Variants in GRAMD1C observed in about 807,000 individuals in gnomAD.
GRAMD1C encodes protein Aster-C.
In GRAMD1C, 89 loss-of-function variants were observed where a neutral mutation model predicts 97.8. The ratio of observed to expected loss-of-function variants is 0.91; its 90% CI spans 0.77 to 1.09. The LOEUF is 1.09. Ranked by LOEUF, GRAMD1C falls within the 50% of genes least tolerant of loss-of-function variation. The probability of loss-of-function intolerance (pLI) is 0.00; values close to 1 mark genes in which losing one functional copy is unlikely to be tolerated. For synonymous variants in GRAMD1C, 256 were observed against 267.0 expected (o/e 0.96, Z 0.40); for missense variants, 740 against 766.4 (o/e 0.97, Z 0.41).
chr3:113,881,218 G>T (rs1469788742), intron 5 of GRAMD1C, among the ~76,000 whole-genome samples: 1 of 152,126 alleles, frequency 6.6e-6, no homozygotes. Context: ...GCAGTGGCGC[G>T]ATCCTAGCTC....
At chr3:113,845,074 A>G (rs1453010688) in intron 2 of GRAMD1C, 1 of 152,770 alleles carries the variant, frequency 6.5e-6, no homozygotes, top group Non-Finnish European at 1.5e-5. Flanking sequence ...TAATGACTAT[A>G]AGATGGTTTT....
At chr3:113,838,053 C>T (rs1172475325), upstream of GRAMD1C, among the ~76,000 whole-genome samples, 1 of 152,190 alleles carries the variant, frequency 6.6e-6, no homozygotes, top group Admixed American at 6.5e-5. Flanking sequence ...TATTTCTTCT[C>T]AGACTTAAGG....
At chr3:113,844,265 G>A (rs1261627336) in intron 1 of GRAMD1C, among the ~76,000 whole-genome samples, 1 of 152,106 alleles carries the variant, frequency 6.6e-6, no homozygotes, top group Admixed American at 6.6e-5. Flanking sequence ...TTACACTCCA[G>A]TCTGGGTGAA....
At chr3:113,915,076 GA>G (rs1319250664) in intron 9 of GRAMD1C, among the ~76,000 whole-genome samples, 1 of 152,092 alleles carries the variant, frequency 6.6e-6, no homozygotes, top group African/African-American at 2.4e-5. Flanking sequence ...CAAATTCCCA[GA>G]AAAAATGTAA....
intron 1 of GRAMD1C, among the ~76,000 whole-genome samples, chr3:113,840,707 G>C (rs1709762502): frequency 1.3e-5 from 2 of 152,222 alleles, no homozygotes; most frequent in Admixed American, 1.3e-4. Context: ...AGTGACCCCT[G>C]TTTGTGCCAT....
chr3:113,945,501 A>G lies in GRAMD1C; in HGVS notation c.*23A>G, dbSNP rs766427183. 10 of 1,273,144 alleles carry G rather than the reference A, an allele frequency of 7.9e-6. No individual in the cohort carries two copies. The highest frequency in any genetic ancestry group is 9.1e-6 in the Non-Finnish European group (8 of 879,648). The allele number at this position is 1,273,144 out of a possible 1,614,324, so 78.9% of individuals were successfully genotyped here. A position where few individuals can be genotyped will look rare whatever the true frequency, so the allele number is the denominator to read the frequency against. Reference sequence around the variant, plus strand: ...TAGTGATCTGAAGGACTAAAACCGCAGAGATACTTGGAACTTAAAGAAAAT... The same window carrying G: ...TAGTGATCTGAAGGACTAAAACCGCGGAGATACTTGGAACTTAAAGAAAAT... On this transcript the variant is annotated 3_prime_UTR_variant, in exon 18 of 18. Transcript: ENST00000358160.
intron 2 of GRAMD1C, among the ~76,000 whole-genome samples, chr3:113,864,826 T>G (rs953404293): frequency 1.3e-5 from 2 of 152,192 alleles, no homozygotes; most frequent in Non-Finnish European, 2.9e-5. Flanking sequence ...CAATCTAGGC[T>G]TTTTCTAGCC....
At chr3:113,906,592 A>T (rs1235323029) in intron 8 of GRAMD1C, among the ~76,000 whole-genome samples, 1 of 152,242 alleles carries the variant, frequency 6.6e-6, no homozygotes, top group Non-Finnish European at 1.5e-5. Context: ...AGTTTTAAAA[A>T]AAAGTTCATA....
At chr3:113,842,470 G>T (rs1313143748) in intron 1 of GRAMD1C, among the ~76,000 whole-genome samples, 1 of 151,882 alleles carries the variant, frequency 6.6e-6, no homozygotes, top group Non-Finnish European at 1.5e-5. Context: ...TTTTTGTTTT[G>T]CTGTTGTATG....
upstream of GRAMD1C, among the ~76,000 whole-genome samples, chr3:113,834,963 G>C (rs10804511): frequency 0.98 from 146,470 of 150,120 alleles, 71,579 homozygotes; most frequent in East Asian, 1. Context: ...AAAAGACACT[G>C]ATATTTCCTT....
At position 113,850,647 on chromosome 3, in the gene GRAMD1C, T is replaced by C. The variant is rs1007005527; in HGVS notation, c.174+5998T>C. The C allele has an allele frequency of 1.7e-5, 28 of 1,607,052 alleles. No homozygotes were observed. The East Asian group carries it at 4.7e-4, about 27-fold the overall frequency. On this transcript the variant is annotated intron_variant, in intron 2 of 17. Transcript: ENST00000358160. ...GTCTGCCAGCTCGGGTGCTTAGGCA[T>C]GTGGACGTCCTTCTTGGCCACCATG...
At chr3:113,902,786 G>A (rs1936224492) in intron 7 of GRAMD1C, among the ~76,000 whole-genome samples, 1 of 147,930 alleles carries the variant, frequency 6.8e-6, no homozygotes, top group Non-Finnish European at 1.5e-5. Context: ...AGCTGGGATT[G>A]CGGTGCCCAC....
At chr3:113,915,603 C>A in intron 9 of GRAMD1C, 98 bp from the exon 10 acceptor site, 1 of 875,890 alleles carries the variant, frequency 1.1e-6, no homozygotes, top group Non-Finnish European at 1.8e-6. Flanking sequence ...CCATTTTATG[C>A]CCAAAATAAA....
intron 10 of GRAMD1C, among the ~76,000 whole-genome samples, chr3:113,917,364 C>T (rs540298831): frequency 2.6e-5 from 4 of 152,246 alleles, no homozygotes; most frequent in South Asian, 4.2e-4. Context: ...TGCACTGTCA[C>T]CCAGGCTGGA....
chr3:113,941,886 T>G (rs1034851244), intron 17 of GRAMD1C, among the ~76,000 whole-genome samples: 4 of 151,896 alleles, frequency 2.6e-5, no homozygotes, highest in Non-Finnish European at 5.9e-5. Context: ...CCCAAAGTGT[T>G]GGGATTAAAG....
chr3:113,911,714 TCC>T (rs1559810022), intron 9 of GRAMD1C, among the ~76,000 whole-genome samples: 1 of 141,714 alleles, frequency 7.1e-6, no homozygotes, highest in Non-Finnish European at 1.5e-5. Flanking sequence ...CTTCCTTCCT[TCC>T]TTCCTTCCTT....
At chr3:113,863,554 G>A (rs898979049) in intron 2 of GRAMD1C, among the ~76,000 whole-genome samples, 1 of 152,194 alleles carries the variant, frequency 6.6e-6, no homozygotes, top group Non-Finnish European at 1.5e-5. Context: ...TAGTGGTGAT[G>A]ATTGCACAGT....
At chr3:113,837,093 TTTCCTTCC>T (rs202147724), upstream of GRAMD1C, among the ~76,000 whole-genome samples, 7 of 151,662 alleles carry the variant, frequency 4.6e-5, no homozygotes, top group African/African-American at 1.5e-4. Flanking sequence ...TCCTTCCTTC[TTTCCTTCC>T]TTCCTTCCTT....
At chr3:113,932,430 C>T (rs749039349) in intron 11 of GRAMD1C, among the ~76,000 whole-genome samples, 3 of 152,070 alleles carry the variant, frequency 2.0e-5, no homozygotes, top group Admixed American at 6.6e-5. Context: ...GGCCAATGAC[C>T]ATTTAAAATC....
Sources: allele counts gnomAD v4.1 joint callset (sites outside exome capture counted in the v4.1 genomes callset), GRCh38; gene constraint gnomAD v4.1.1; transcripts MANE v1.5; gene names NCBI Gene and HGNC (gene_info 2026-07-23, HGNC 2026-07-21).